The following TASP1 variants were observed in gnomAD, a reference collection of about 807,000 sequenced individuals.
The protein encoded by TASP1 is threonine aspartase 1.
A neutral mutation model predicts 56.6 loss-of-function variants in TASP1; 16 were observed. The ratio of observed to expected loss-of-function variants is 0.28; its 90% confidence interval spans 0.19 to 0.43. TASP1 has a LOEUF of 0.43. Ranked by LOEUF, TASP1 falls within the 20% of genes least tolerant of loss-of-function variation. TASP1 has a pLI of 1.00. For missense variants in TASP1, 393 were observed against 511.6 expected, an observed-to-expected ratio of 0.77 and a Z score of 2.24; for synonymous variants, 179 against 184.2, an observed-to-expected ratio of 0.97 and a Z score of 0.23.
the TASP1 span, among the ~76,000 whole-genome samples, chr20:13,190,502 G>A: frequency 6.6e-6 from 1 of 152,200 alleles, no homozygotes; most frequent in Non-Finnish European, 1.5e-5. Flanking sequence ...TCCTCAGTGA[G>A]TGGTGCTGGG....
intron 11 of TASP1, among the ~76,000 whole-genome samples, chr20:13,474,681 T>A (rs2044654922): frequency 6.6e-6 from 1 of 152,200 alleles, no homozygotes; most frequent in Non-Finnish European, 1.5e-5. Context: ...AAATGGTAGA[T>A]CTATTTTTAG....
the TASP1 span, among the ~76,000 whole-genome samples, chr20:13,111,463 A>G: frequency 2.0e-5 from 3 of 152,222 alleles, no homozygotes; most frequent in East Asian, 1.9e-4. Flanking sequence ...CCTACGATGC[A>G]TGGGACAGCC....
the TASP1 span, among the ~76,000 whole-genome samples, chr20:13,188,930 A>G: frequency 1.3e-5 from 2 of 152,224 alleles, no homozygotes; most frequent in African/African-American, 4.8e-5. Context: ...CCATTCTTCA[A>G]CCACTCATAG....
intron 1 of TASP1, among the ~76,000 whole-genome samples, chr20:13,632,364 C>CAAAAAAAAAAAAAAA (rs565886595): frequency 2.1e-5 from 1 of 47,942 alleles, no homozygotes. Flanking sequence ...GACTCCATCT[C>CAAAAAAAAAAAAAAA]AAAAAAAAAA....
At chr20:13,397,421 TG>T (rs2041583640) in intron 13 of TASP1, among the ~76,000 whole-genome samples, 1 of 150,296 alleles carries the variant, frequency 6.7e-6, no homozygotes, top group African/African-American at 2.5e-5. Context: ...TTTTTTCAGA[TG>T]AAAAAAAAAA....
At chr20:13,393,669 GA>G in intron 13 of TASP1, 1 of 1,303,780 alleles carries the variant, frequency 7.7e-7, no homozygotes, top group Non-Finnish European at 1.1e-6. Context: ...GGCCTCCAAG[GA>G]ATAAGACCCC....
chr20:13,207,880 T>A, the TASP1 span, among the ~76,000 whole-genome samples: 205 of 152,104 alleles, frequency 1.3e-3, no homozygotes, highest in African/African-American at 4.6e-3. Flanking sequence ...CTAATATCGA[T>A]ATATCAGTTG....
the TASP1 span, among the ~76,000 whole-genome samples, chr20:13,247,765 C>T: frequency 6.6e-6 from 1 of 152,078 alleles, no homozygotes; most frequent in African/African-American, 2.4e-5. Flanking sequence ...TGACTTACAG[C>T]CCCTGAGGCT....
intron 10 of TASP1, among the ~76,000 whole-genome samples, chr20:13,513,030 T>C: frequency 1.3e-5 from 2 of 152,202 alleles, no homozygotes; most frequent in East Asian, 1.9e-4. Context: ...TGAAGTCAGG[T>C]AGCGAGATGC....
intron 13 of TASP1, among the ~76,000 whole-genome samples, chr20:13,416,468 G>A (rs998538155): frequency 4.6e-5 from 7 of 152,100 alleles, no homozygotes; most frequent in Admixed American, 1.3e-4. Flanking sequence ...AAAGTTCTGT[G>A]GAGCTACAGG....
At chr20:13,301,250 G>A in the TASP1 span, among the ~76,000 whole-genome samples, 6 of 151,990 alleles carry the variant, frequency 3.9e-5, no homozygotes, top group African/African-American at 1.5e-4. Context: ...GTGCAGTGAC[G>A]TGATCTTGAC....
At chr20:13,478,551 T>C (rs1023144393) in intron 11 of TASP1, among the ~76,000 whole-genome samples, 2 of 151,954 alleles carry the variant, frequency 1.3e-5, no homozygotes, top group African/African-American at 2.4e-5. Flanking sequence ...TCTACAATAG[T>C]AGACAGTGGA....
the TASP1 span, among the ~76,000 whole-genome samples, chr20:13,357,978 G>C: frequency 6.6e-6 from 1 of 152,144 alleles, no homozygotes; most frequent in South Asian, 2.1e-4. Context: ...CAAAAGAAGT[G>C]AATAGGCCCT....
At chr20:13,221,631 C>T in the TASP1 span, 2 of 576,860 alleles carry the variant, frequency 3.5e-6, no homozygotes, top group South Asian at 7.9e-5. Flanking sequence ...AGCGCCAGCC[C>T]CGCGGGCCCG....
At chr20:13,167,110 G>A in the TASP1 span, 1 of 152,100 alleles carries the variant, frequency 6.6e-6, no homozygotes, top group African/African-American at 2.4e-5. Flanking sequence ...GCATTAGAAG[G>A]TGCCCAAGCT....
At chr20:13,245,818 T>C in the TASP1 span, among the ~76,000 whole-genome samples, 1 of 152,222 alleles carries the variant, frequency 6.6e-6, no homozygotes, top group Admixed American at 6.5e-5. Context: ...AAACAGATAC[T>C]GAGGAACTCC....
At chr20:13,562,572 C>A (rs1359665876) in intron 7 of TASP1, among the ~76,000 whole-genome samples, 2 of 151,846 alleles carry the variant, frequency 1.3e-5, no homozygotes, top group Non-Finnish European at 2.9e-5. Context: ...ACTACTGATT[C>A]TTCAAAAATA....
At chr20:13,606,392 T>C (rs528134290) in intron 4 of TASP1, among the ~76,000 whole-genome samples, 30 of 152,124 alleles carry the variant, frequency 2.0e-4, no homozygotes, top group Non-Finnish European at 3.5e-4. Context: ...TCCCCAGCCA[T>C]TCCCAACATT....
At chr20:13,305,430 C>T in the TASP1 span, among the ~76,000 whole-genome samples, 7 of 152,154 alleles carry the variant, frequency 4.6e-5, no homozygotes, top group Non-Finnish European at 5.9e-5. Flanking sequence ...CATCCCGACA[C>T]ACAAAGAGTT....
Sources: allele counts gnomAD v4.1 joint callset (sites outside exome capture counted in the v4.1 genomes callset), GRCh38; gene constraint gnomAD v4.1.1; transcripts MANE v1.5; gene names NCBI Gene and HGNC (gene_info 2026-07-23, HGNC 2026-07-21).